Variants in GOLGA8A observed in about 807,000 individuals in gnomAD.
GOLGA8A encodes the protein golgin A8 family member A.
Under a neutral mutation model 22.1 loss-of-function variants are expected in GOLGA8A, and 3 were observed. That is an observed-to-expected ratio of 0.14 (90% confidence interval 0.06 to 0.35). The LOEUF is 0.35. Among genes scored for constraint, GOLGA8A ranks in the 10% least tolerant of loss-of-function variants. The pLI, the probability that GOLGA8A is intolerant of heterozygous loss-of-function variation, is 1.00. For missense variants in GOLGA8A, 16 were observed against 233.2 expected, an observed-to-expected ratio of 0.07 and a Z score of 6.07; for synonymous variants, 7 against 91.7, an observed-to-expected ratio of 0.08 and a Z score of 5.28.
rs1380076314 is a variant in GOLGA8A at position 34,436,932 on chromosome 15, G to A, written c.-1212+466C>T. Among the ~76,000 whole-genome samples the A allele has an allele frequency of 3.3e-5, 5 of 149,702 alleles. 1 individual carries two copies. Among genetic ancestry groups the A allele is most frequent in the African/African-American group, 4.9e-5 (2 of 40,638 alleles). The stretch of plus-strand genomic sequence containing the variant: ...GAAGATCCGGGCTCGAGTTCTCCCA[G>A]GGAAGTGAACCCAGAGGCGATCCCA... On this transcript the variant is annotated intron_variant, in intron 1 of 24. Transcript: ENST00000359187.
In GOLGA8A at chr15:34,434,378, A is replaced by G. The variant is rs74884181; in HGVS notation, c.-1123+1005T>C. Among the ~76,000 whole-genome samples the G allele has an allele frequency of 2.0e-5, 3 of 149,490 alleles. 1 individual carries two copies. The highest frequency in any genetic ancestry group is 4.5e-5 in the Non-Finnish European group (3 of 67,194). ...CACAGAAATCATAAAGCACACAGCA[A>G]TGGCACCCCACCAGTACGCAGGGTT... On this transcript the variant is annotated intron_variant, in intron 2 of 24. Coordinates refer to ENST00000359187, the MANE Select transcript of GOLGA8A (RefSeq NM_181077.5).
chr15:34,420,005 GAA>G (rs1892731969), intron 2 of GOLGA8A: 1 of 148,838 alleles, frequency 6.7e-6, no homozygotes, highest in African/African-American at 2.5e-5. Context: ...GCAAGATGAA[GAA>G]AGTTCTGGAG....
rs1395806556 is a variant in GOLGA8A at position 34,425,000 on chromosome 15, T to C, written c.-1123+10383A>G. Among the ~76,000 whole-genome samples the C allele has an allele frequency of 2.1e-5, 3 of 145,512 alleles. 1 individual carries two copies. The highest frequency in any genetic ancestry group is 3.0e-5 in the Non-Finnish European group (2 of 66,364). On this transcript the variant is annotated intron_variant, in intron 2 of 24. Coordinates refer to ENST00000359187, the MANE Select transcript of GOLGA8A (RefSeq NM_181077.5). ...TACTTGGGAGGCTGAGGTGGGAGGA[T>C]CACTTGAGACCAGGAAGTCAAGGCT...
intron 2 of GOLGA8A, among the ~76,000 whole-genome samples, chr15:34,427,291 A>G (rs984524482): frequency 7.3e-6 from 1 of 136,478 alleles, no homozygotes; most frequent in African/African-American, 2.8e-5. Flanking sequence ...AGATTGTGCC[A>G]CTGCACTCCA....
chr15:34,420,811 C>T (rs891532667), intron 2 of GOLGA8A, among the ~76,000 whole-genome samples: 4 of 129,624 alleles, frequency 3.1e-5, no homozygotes, highest in Non-Finnish European at 6.6e-5. Context: ...ATGAGTCAGC[C>T]TGGGGAGAGT....
chr15:34,432,043 G>A (rs1398312708), intron 2 of GOLGA8A, among the ~76,000 whole-genome samples: 1 of 149,216 alleles, frequency 6.7e-6, no homozygotes, highest in Non-Finnish European at 1.5e-5. Flanking sequence ...CTTTGCCTGA[G>A]AGTTTCACGA....
intron 2 of GOLGA8A, among the ~76,000 whole-genome samples, chr15:34,431,133 T>C (rs1893209957): frequency 6.7e-6 from 1 of 148,342 alleles, no homozygotes; most frequent in Non-Finnish European, 1.5e-5. Context: ...AATGGATTTT[T>C]CCAAGACAGT....
In GOLGA8A at chr15:34,437,511, C is replaced by CCGCT. The variant is rs1566916944; in HGVS notation, c.-1326_-1325insAGCG. The CCGCT allele has an allele frequency of 2.5e-3, 65 of 26,230 alleles. 3 individuals carry two copies. The highest frequency in any genetic ancestry group is 4.3e-3 in the South Asian group (2 of 462). The allele number at this position is 26,230 out of a possible 1,614,324, so 1.6% of individuals were successfully genotyped here. On this transcript the variant is annotated 5_prime_UTR_variant, in exon 1 of 25. Transcript: ENST00000359187. The stretch of plus-strand genomic sequence containing the variant: ...CCTCGCCGCGCCGCCGTCCTCGCCG[C>CCGCT]GCCGCCGTCCTCGCCGCGCCGCCGT...
rs1892673701 is a variant in GOLGA8A, at chr15:34,418,744, G to C, written c.-1122-11009C>G. ...CCTTGAGGGATGAATTAAGGGGCTG[G>C]AAAACCGGGAGCAGGACGGCCTGTG... On this transcript the variant is annotated intron_variant, in intron 2 of 24. Coordinates refer to ENST00000359187, the MANE Select transcript of GOLGA8A (RefSeq NM_181077.5). 2 of 146,740 alleles carry C rather than the reference G, an allele frequency of 1.4e-5. 1 individual carries two copies. The highest frequency in any genetic ancestry group is 5.0e-5 in the African/African-American group (2 of 39,896). The allele number at this position is 146,740 out of a possible 1,614,324, so 9.1% of individuals were successfully genotyped here.
chr15:34,421,869 A>G (rs1397944477), intron 2 of GOLGA8A, among the ~76,000 whole-genome samples: 2 of 138,204 alleles, frequency 1.4e-5, no homozygotes, highest in African/African-American at 5.3e-5. Context: ...GACCCTCAGG[A>G]AAGTCAGGTG....
intron 2 of GOLGA8A, among the ~76,000 whole-genome samples, chr15:34,427,446 A>C (rs1293932227): frequency 1.3e-5 from 2 of 148,288 alleles, no homozygotes; most frequent in Non-Finnish European, 3.0e-5. Flanking sequence ...AATTGTGGGG[A>C]TTTGATGTAG....
chr15:34,412,708 A>AG (rs1380558652), intron 2 of GOLGA8A, among the ~76,000 whole-genome samples: 1 of 136,240 alleles, frequency 7.3e-6, no homozygotes, highest in Admixed American at 7.8e-5. Context: ...TCTTCAAGAG[A>AG]GGGGGGTCAT....
chr15:34,435,782 T>G lies in GOLGA8A; in HGVS notation c.-1211-311A>C, dbSNP rs867152297. Reference sequence around the variant, plus strand: ...CCCCATTGCTACTGCCATCACCCAGTCCCAGCCCAGAGAGGGAGCCCACTC... The same window carrying G: ...CCCCATTGCTACTGCCATCACCCAGGCCCAGCCCAGAGAGGGAGCCCACTC... On this transcript the variant is annotated intron_variant, in intron 1 of 24. Coordinates refer to ENST00000359187, the MANE Select transcript of GOLGA8A (RefSeq NM_181077.5). Among the ~76,000 whole-genome samples the G allele has an allele frequency of 1.0e-4, 15 of 148,866 alleles. 1 individual carries two copies. The highest frequency in any genetic ancestry group is 3.5e-4 in the African/African-American group (14 of 40,390).
At chr15:34,436,813 C>T (rs1267316187) in intron 1 of GOLGA8A, among the ~76,000 whole-genome samples, 1 of 149,906 alleles carries the variant, frequency 6.7e-6, no homozygotes, top group African/African-American at 2.5e-5. Flanking sequence ...CCGCACCGTG[C>T]CCCCAACCCG....
At chr15:34,431,337 A>ATCTC (rs1385683475) in intron 2 of GOLGA8A, among the ~76,000 whole-genome samples, 9 of 99,284 alleles carry the variant, frequency 9.1e-5, no homozygotes, top group African/African-American at 3.3e-4. Context: ...ATATATATAT[A>ATCTC]TATATATATC....
At chr15:34,431,348 T>TCA (rs140394984) in intron 2 of GOLGA8A, among the ~76,000 whole-genome samples, 7 of 108,854 alleles carry the variant, frequency 6.4e-5, no homozygotes, top group East Asian at 2.8e-4. Context: ...TATATATATC[T>TCA]CACACACACA....
intron 2 of GOLGA8A, chr15:34,418,130 T>TTAA (rs756695001): frequency 1.3e-4 from 8 of 62,766 alleles, no homozygotes; most frequent in African/African-American, 2.2e-4. Context: ...GTAGATTCTT[T>TTAA]AAAAAAAAAA....
At chr15:34,392,848 C>G (rs989355185) in intron 8 of GOLGA8A, among the ~76,000 whole-genome samples, 1 of 138,786 alleles carries the variant, frequency 7.2e-6, no homozygotes, top group African/African-American at 2.7e-5. Context: ...AGATGATAAC[C>G]TATATGACAT....
intron 2 of GOLGA8A, among the ~76,000 whole-genome samples, chr15:34,434,157 T>G: frequency 6.7e-6 from 1 of 149,408 alleles, no homozygotes; most frequent in Non-Finnish European, 1.5e-5. Context: ...CCTGTCTGCC[T>G]GGAGCCAGGA....
Sources: allele counts gnomAD v4.1 joint callset (sites outside exome capture counted in the v4.1 genomes callset), GRCh38; gene constraint gnomAD v4.1.1; transcripts MANE v1.5; gene names NCBI Gene and HGNC (gene_info 2026-07-23, HGNC 2026-07-21).